The following CSMD1 variants were observed in gnomAD, a reference collection of about 807,000 sequenced individuals.
The protein encoded by CSMD1 is CUB and Sushi multiple domains 1.
Under a neutral mutation model 417.5 loss-of-function variants are expected in CSMD1, and 213 were observed. The observed-to-expected ratio is 0.51, with a 90% CI of 0.46 to 0.57. The LOEUF is 0.57. Ranked by LOEUF, CSMD1 falls within the 20% of genes least tolerant of loss-of-function variation. The probability of loss-of-function intolerance (pLI) is 0.00; values close to 1 mark genes in which losing one functional copy is unlikely to be tolerated. For synonymous variants in CSMD1, 2,862 were observed against 1,736.8 expected, an observed-to-expected ratio of 1.65 and a Z score of -16.11; for missense variants, 6,923 against 4,529.7, an observed-to-expected ratio of 1.53 and a Z score of -15.17.
chr8:4,472,335 G>T (rs961405974), intron 2 of CSMD1, among the ~76,000 whole-genome samples: 1 of 152,080 alleles, frequency 6.6e-6, no homozygotes, highest in African/African-American at 2.4e-5. Context: ...AGTAGAGAAA[G>T]CATGTATGTA....
chr8:4,444,412 T>C (rs1166426210), intron 2 of CSMD1, among the ~76,000 whole-genome samples: 2 of 140,744 alleles, frequency 1.4e-5, no homozygotes, highest in African/African-American at 5.3e-5. Context: ...CTGAATGTGG[T>C]GCTCAAAAAT....
intron 1 of CSMD1, among the ~76,000 whole-genome samples, chr8:4,713,943 A>C (rs532125248): frequency 1.3e-5 from 2 of 152,228 alleles, no homozygotes; most frequent in East Asian, 3.9e-4. Context: ...TCAGGAGTTC[A>C]AAACCAGCCT....
intron 5 of CSMD1, among the ~76,000 whole-genome samples, chr8:3,981,500 T>TAAAAAAAAAAAAA (rs200296436): frequency 3.3e-3 from 384 of 114,900 alleles, no homozygotes; most frequent in Middle Eastern, 6.3e-3. Context: ...TAGAAAAAAG[T>TAAAAAAAAAAAAA]AAAAAAAAAA....
intron 3 of CSMD1, among the ~76,000 whole-genome samples, chr8:4,136,784 T>C (rs78759551): frequency 1.2e-4 from 18 of 152,178 alleles, no homozygotes; most frequent in Admixed American, 9.2e-4. Context: ...ATTAGTTTGT[T>C]GGACTCAATA....
chr8:4,468,207 A>AGTGCCTGGGGC (rs1212494534), intron 2 of CSMD1, among the ~76,000 whole-genome samples: 1 of 152,192 alleles, frequency 6.6e-6, no homozygotes, highest in Non-Finnish European at 1.5e-5. Flanking sequence ...AGAAAGCAGC[A>AGTGCCTGGGGC]GTGCCTGGGG....
chr8:3,697,389 G>C (rs1423523584), intron 7 of CSMD1, among the ~76,000 whole-genome samples: 1 of 152,158 alleles, frequency 6.6e-6, no homozygotes, highest in African/African-American at 2.4e-5. Flanking sequence ...TTGATCATCT[G>C]AGTTCATCTT....
intron 3 of CSMD1, among the ~76,000 whole-genome samples, chr8:4,070,230 T>G (rs1472527280): frequency 6.6e-6 from 1 of 152,206 alleles, no homozygotes; most frequent in South Asian, 2.1e-4. Context: ...CTTTTTGGTA[T>G]GCTTATCATA....
chr8:3,717,710 GAATAAA>G (rs1229259268), intron 6 of CSMD1, among the ~76,000 whole-genome samples: 4 of 152,134 alleles, frequency 2.6e-5, no homozygotes, highest in African/African-American at 7.2e-5. Flanking sequence ...AATATTGGTA[GAATAAA>G]AATAAAGTTG....
At chr8:2,950,539 T>C (rs1392635332) in intron 66 of CSMD1, among the ~76,000 whole-genome samples, 196 bp from the exon 67 acceptor site, 1 of 152,198 alleles carries the variant, frequency 6.6e-6, no homozygotes, top group East Asian at 1.9e-4. Flanking sequence ...CTTAAATCCT[T>C]GTCTATCTTG....
At chr8:3,559,077 G>A (rs1408031211) in intron 10 of CSMD1, among the ~76,000 whole-genome samples, 1 of 152,188 alleles carries the variant, frequency 6.6e-6, no homozygotes, top group Non-Finnish European at 1.5e-5. Flanking sequence ...AGGATATTAT[G>A]CTGAAGAATA....
intron 2 of CSMD1, among the ~76,000 whole-genome samples, chr8:4,463,764 T>C (rs1799984340): frequency 6.6e-6 from 1 of 152,130 alleles, no homozygotes. Flanking sequence ...AAATAGTGAG[T>C]GGGTACTAAT....
chr8:3,365,284 C>G (rs991622631), intron 20 of CSMD1, among the ~76,000 whole-genome samples: 4 of 152,000 alleles, frequency 2.6e-5, no homozygotes, highest in African/African-American at 9.7e-5. Flanking sequence ...AGTGAAATAC[C>G]AAGAAAAATC....
intron 65 of CSMD1, among the ~76,000 whole-genome samples, chr8:2,952,917 C>A (rs1045692714): frequency 2.6e-5 from 4 of 152,124 alleles, no homozygotes; most frequent in Admixed American, 2.6e-4. Context: ...TTGTTGCTGG[C>A]AGCCCGCAGT....
At chr8:3,746,049 C>T (rs1271298868) in intron 6 of CSMD1, among the ~76,000 whole-genome samples, 3 of 152,112 alleles carry the variant, frequency 2.0e-5, no homozygotes, top group Admixed American at 2.0e-4. Flanking sequence ...AAGCACACCG[C>T]TACCTACAAG....
At chr8:3,980,511 A>G (rs1037830530) in intron 5 of CSMD1, among the ~76,000 whole-genome samples, 14 of 150,460 alleles carry the variant, frequency 9.3e-5, no homozygotes, top group African/African-American at 3.2e-4. Context: ...CTCTGCTTCT[A>G]TGTTGTTTAT....
chr8:3,024,288 G>GT (rs1194773089), intron 51 of CSMD1, among the ~76,000 whole-genome samples: 21 of 137,592 alleles, frequency 1.5e-4, no homozygotes, highest in South Asian at 4.8e-4. Flanking sequence ...ACATTTTGAG[G>GT]TTTTTTTTGG....
intron 2 of CSMD1, among the ~76,000 whole-genome samples, chr8:4,538,871 T>G (rs1429793028): frequency 2.6e-5 from 4 of 152,184 alleles, no homozygotes; most frequent in Non-Finnish European, 5.9e-5. Flanking sequence ...AAATGTACAG[T>G]TCTTGCTTAC....
At chr8:4,356,674 G>C (rs1271105075) in intron 3 of CSMD1, among the ~76,000 whole-genome samples, 6 of 152,128 alleles carry the variant, frequency 3.9e-5, no homozygotes, top group Non-Finnish European at 7.3e-5. Context: ...TGTTAGTGAG[G>C]GCTTCTTTCC....
intron 1 of CSMD1, among the ~76,000 whole-genome samples, chr8:4,699,405 A>G (rs569362240): frequency 9.8e-5 from 15 of 152,290 alleles, no homozygotes; most frequent in Middle Eastern, 3.4e-3. Flanking sequence ...TCACTCTATC[A>G]TCTTTTAATG....
Sources: gnomAD v4.1 joint callset for allele counts (sites outside exome capture counted in the v4.1 genomes callset) on GRCh38, gnomAD v4.1.1 for gene constraint, MANE v1.5 for transcripts, NCBI Gene and HGNC (gene_info 2026-07-23, HGNC 2026-07-21) for gene names.